Variants in MRAS observed in about 807,000 individuals in gnomAD.
The protein encoded by MRAS is muscle RAS oncogene homolog, also known as ras-related protein M-Ras.
Under a neutral mutation model 20.9 loss-of-function variants are expected in MRAS, and 4 were observed. The observed-to-expected ratio is 0.19, with a 90% CI of 0.09 to 0.44. The LOEUF is 0.44. MRAS is among the 20% of genes least tolerant of loss of function. The pLI is 0.99. For synonymous variants in MRAS, 98 were observed against 102.9 expected (o/e 0.95, Z 0.29); for missense variants, 154 against 277.5 (o/e 0.56, Z 3.16).
At chr3:138,353,016 G>A (rs901820317) in intron 1 of MRAS, among the ~76,000 whole-genome samples, 4 of 152,124 alleles carry the variant, frequency 2.6e-5, no homozygotes, top group African/African-American at 4.8e-5. Context: ...AGCAACCTTC[G>A]GAGGACAGAA....
At chr3:138,364,835 G>C (rs1482192962) in intron 1 of MRAS, among the ~76,000 whole-genome samples, 1 of 152,214 alleles carries the variant, frequency 6.6e-6, no homozygotes, top group Non-Finnish European at 1.5e-5. Flanking sequence ...TGCCCCTCAA[G>C]CTCTGACCTG....
intron 2 of MRAS, among the ~76,000 whole-genome samples, chr3:138,387,127 T>TG (rs2055033013): frequency 1.3e-5 from 2 of 151,968 alleles, no homozygotes; most frequent in African/African-American, 4.8e-5. Flanking sequence ...AGAGGTCAGG[T>TG]GGGTGGTGGT....
intron 1 of MRAS, among the ~76,000 whole-genome samples, chr3:138,362,309 T>C (rs1247807776): frequency 6.6e-6 from 1 of 152,170 alleles, no homozygotes; most frequent in Non-Finnish European, 1.5e-5. Flanking sequence ...GGGTGCTGAA[T>C]CCCAGCTTCT....
At chr3:138,371,837 A>G (rs1576357799) in intron 1 of MRAS, among the ~76,000 whole-genome samples, 3 of 152,170 alleles carry the variant, frequency 2.0e-5, no homozygotes. Context: ...GGCTTCCATC[A>G]TGACCACAGA....
At chr3:138,356,118 T>G (rs756474084) in intron 1 of MRAS, among the ~76,000 whole-genome samples, 5 of 152,242 alleles carry the variant, frequency 3.3e-5, no homozygotes, top group African/African-American at 7.2e-5. Flanking sequence ...TATGAGATTA[T>G]GTGGAAATCC....
intron 2 of MRAS, among the ~76,000 whole-genome samples, chr3:138,380,987 A>G (rs1254282194): frequency 2.6e-5 from 4 of 151,208 alleles, no homozygotes; most frequent in East Asian, 4.0e-4. Context: ...GCTGGCCAGC[A>G]TGGTCTCAAT....
intron 2 of MRAS, among the ~76,000 whole-genome samples, chr3:138,383,340 T>A (rs1480772317): frequency 6.6e-6 from 1 of 152,154 alleles, no homozygotes; most frequent in African/African-American, 2.4e-5. Flanking sequence ...GTTTTTATTG[T>A]TATTTTTAGA....
intron 2 of MRAS, among the ~76,000 whole-genome samples, chr3:138,375,505 G>A (rs1244358971): frequency 2.0e-5 from 3 of 152,114 alleles, no homozygotes; most frequent in Admixed American, 6.5e-5. Context: ...TTCTTTGTGG[G>A]AAGATGTTTT....
rs572299553 is a variant in MRAS at position 138,389,628 on chromosome 3, C to G, written c.194-7696C>G. ...TTCTGGTTGAAGAAAAATGACTGGA[C>G]AGGCTGGGACCCTTGGGCCTTAGGG... On this transcript the variant is annotated intron_variant, in intron 2 of 5. Transcript: ENST00000423968. Among the ~76,000 whole-genome samples, 302 of 151,376 alleles carry G rather than the reference C, an allele frequency of 2.0e-3. 1 individual carries two copies. The highest frequency in any genetic ancestry group is 6.5e-3 in the African/African-American group (268 of 41,160).
At chr3:138,394,763 C>T (rs2055201067) in intron 2 of MRAS, among the ~76,000 whole-genome samples, 2 of 152,174 alleles carry the variant, frequency 1.3e-5, no homozygotes, top group Admixed American at 6.5e-5. Context: ...CAGAAACAGG[C>T]GTCATCCTCA....
At chr3:138,391,673 G>C (rs2055135083) in intron 2 of MRAS, among the ~76,000 whole-genome samples, 1 of 152,154 alleles carries the variant, frequency 6.6e-6, no homozygotes, top group Admixed American at 6.5e-5. Context: ...ATCTCGTTAT[G>C]TATATGCAAA....
At chr3:138,402,048 C>T (rs2055371683) in intron 5 of MRAS, 122 bp from the exon 6 acceptor site, 1 of 871,832 alleles carries the variant, frequency 1.1e-6, no homozygotes, top group East Asian at 2.6e-5. Flanking sequence ...CCATCCCCCT[C>T]ACCCACTAAC....
intron 2 of MRAS, among the ~76,000 whole-genome samples, chr3:138,376,334 CA>C (rs1314188248): frequency 6.6e-6 from 1 of 152,210 alleles, no homozygotes; most frequent in Admixed American, 6.5e-5. Flanking sequence ...TTTCTATGCC[CA>C]ACTCTGTTCT....
At chr3:138,371,904 C>G (rs962912613) in intron 1 of MRAS, among the ~76,000 whole-genome samples, 4 of 152,142 alleles carry the variant, frequency 2.6e-5, no homozygotes, top group Admixed American at 2.6e-4. Context: ...CCTGCCTCTC[C>G]TCCTTGTCAC....
At chr3:138,386,038 G>A (rs1303421880) in intron 2 of MRAS, among the ~76,000 whole-genome samples, 4 of 152,154 alleles carry the variant, frequency 2.6e-5, no homozygotes, top group Non-Finnish European at 5.9e-5. Context: ...TTTACAGGGA[G>A]GGAGGTGGGT....
intron 1 of MRAS, among the ~76,000 whole-genome samples, chr3:138,358,679 G>A (rs965201565): frequency 3.9e-5 from 6 of 152,230 alleles, no homozygotes; most frequent in South Asian, 2.1e-4. Context: ...TGGAGGTGAC[G>A]GTCTAGTGGG....
At chr3:138,361,627 C>T (rs986102748) in intron 1 of MRAS, among the ~76,000 whole-genome samples, 2 of 152,162 alleles carry the variant, frequency 1.3e-5, no homozygotes, top group African/African-American at 4.8e-5. Context: ...CGGAGCAGAA[C>T]AGTGAGGAGG....
At chr3:138,357,143 A>G (rs767979461) in intron 1 of MRAS, among the ~76,000 whole-genome samples, 10 of 152,218 alleles carry the variant, frequency 6.6e-5, no homozygotes, top group South Asian at 2.1e-4. Flanking sequence ...AACTTTTTCT[A>G]TTTAGGGTTG....
intron 2 of MRAS, among the ~76,000 whole-genome samples, chr3:138,380,562 C>A (rs1045809015): frequency 6.6e-6 from 1 of 152,174 alleles, no homozygotes; most frequent in Non-Finnish European, 1.5e-5. Flanking sequence ...CCACCCACCT[C>A]GGCCTCCTAA....
Sources: gnomAD v4.1 joint callset for allele counts (sites outside exome capture counted in the v4.1 genomes callset) on GRCh38, gnomAD v4.1.1 for gene constraint, MANE v1.5 for transcripts, NCBI Gene and HGNC (gene_info 2026-07-23, HGNC 2026-07-21) for gene names.